CFAP46: variants seen among roughly 807,000 people sequenced by gnomAD.
CFAP46 encodes cilia and flagella associated protein 46.
In CFAP46, 245 loss-of-function variants were observed where a neutral mutation model predicts 325.7. The ratio of observed to expected loss-of-function variants is 0.75; its 90% CI spans 0.68 to 0.84. The LOEUF is 0.84. Among genes scored for constraint, CFAP46 ranks in the 40% least tolerant of loss-of-function variants. The pLI, the probability that CFAP46 is intolerant of heterozygous loss-of-function variation, is 0.00. For synonymous variants in CFAP46, 1,523 were observed against 1,495.9 expected, an observed-to-expected ratio of 1.02 and a Z score of -0.42; for missense variants, 3,346 against 3,543.0, an observed-to-expected ratio of 0.94 and a Z score of 1.41.
chr10:132,929,468 G>A, intron 9 of CFAP46: 1 of 750,570 alleles, frequency 1.3e-6, no homozygotes, highest in East Asian at 2.5e-5. Context: ...AACAACTGTG[G>A]TGCTGTGGAC....
At chr10:132,882,197 G>A (rs1345751965) in intron 27 of CFAP46, among the ~76,000 whole-genome samples, 1 of 148,638 alleles carries the variant, frequency 6.7e-6, no homozygotes, top group Non-Finnish European at 1.5e-5. Context: ...TGAGTGGGAT[G>A]TGGGGTATGA....
At position 132,847,331 on chromosome 10, in the gene CFAP46, A is replaced by G. The variant is rs1453271171; in HGVS notation, c.5953-10T>C. 4 of 1,613,220 alleles carry G rather than the reference A, an allele frequency of 2.5e-6. No individual in the cohort carries two copies. The highest frequency in any genetic ancestry group is 2.5e-6 in the Non-Finnish European group (3 of 1,179,752). ...TCAGCTTGGCGCCCACCTGTGACAC[A>G]CATTGCAGGTTGGCAGACACTTCTG... On this transcript the variant is annotated splice_polypyrimidine_tract_variant and intron_variant, in intron 41 of 57. Transcript: ENST00000368586. This position sits in a 1 kb window ranked among gnomAD's most constrained non-coding sequence, Gnocchi z 5.2.
intron 12 of CFAP46, 53 bp from the exon 13 acceptor site, chr10:132,922,277 C>G (rs943328768): frequency 2.2e-5 from 33 of 1,520,162 alleles, no homozygotes; most frequent in Non-Finnish European, 2.7e-5. Flanking sequence ...TCCACAGCAC[C>G]TTCTCCAACT....
chr10:132,898,721 C>T (rs1251634796), intron 24 of CFAP46: 1 of 621,852 alleles, frequency 1.6e-6, no homozygotes, highest in South Asian at 1.8e-5. Context: ...GGCTGAGAGC[C>T]CCTCGGTGCA....
At position 132,847,179 on chromosome 10, in the gene CFAP46, A is replaced by G. The variant is rs1848452292; in HGVS notation, c.6087+8T>C. On this transcript the variant is annotated splice_region_variant and intron_variant, in intron 42 of 57. Coordinates refer to ENST00000368586, the MANE Select transcript of CFAP46 (RefSeq NM_001200049.3). The surrounding 1 kb of genome is among the most constrained non-coding windows in gnomAD (Gnocchi z 5.2). ...AGGCCACACGAGGGGCAGGAGGGGC[A>G]GCCGCACCTTCAGGTCCTCGCCTCT... The G allele has an allele frequency of 6.2e-7, 1 of 1,610,260 alleles. No homozygotes were observed. The highest frequency in any genetic ancestry group is 1.1e-5 in the South Asian group (1 of 90,968).
Position 132,920,090 on chromosome 10 carries a change from G to T in CFAP46, c.1699C>A (p.Arg567=), listed in dbSNP as rs753795960. 1.3e-6 allele frequency: 2 copies of T among 1,547,986 alleles called. No individual in the cohort carries two copies. The highest frequency in any genetic ancestry group is 2.7e-5 in the African/African-American group (2 of 72,896). The change falls in exon 14 of 58, where the codon CGG becomes AGG. Residue 567 remains arginine, a synonymous_variant. Transcript: ENST00000368586. ...VSVDKAAGHL[R]RLGNENDKER... ...TTGTCGTTTTCGTTGCCCAGGCGCCGCAGGTGCCCGGCAGCTTTGTCCACG... is the reference window on the plus strand; with the variant it reads ...TTGTCGTTTTCGTTGCCCAGGCGCCTCAGGTGCCCGGCAGCTTTGTCCACG...
rs185781550 is a variant in CFAP46 at position 132,904,831 on chromosome 10, G to A, written c.2924+3637C>T. ...GGCTGGAGCGCAGTGGTACAATCACGGCTTGCTGCAGCCTCGACCTACAGG... is the reference window on the plus strand; with the variant it reads ...GGCTGGAGCGCAGTGGTACAATCACAGCTTGCTGCAGCCTCGACCTACAGG... On this transcript the variant is annotated intron_variant, in intron 22 of 57. Transcript: ENST00000368586. 1.2e-3 allele frequency among the ~76,000 whole-genome samples: 179 copies of A among 152,282 alleles called. 2 individuals carry two copies. Among genetic ancestry groups the A allele is most frequent in the South Asian group, 1.0e-3 (5 of 4,812 alleles).
intron 24 of CFAP46, chr10:132,898,624 T>A (rs761962675): frequency 2.6e-6 from 1 of 382,536 alleles, no homozygotes; most frequent in African/African-American, 2.1e-5. Context: ...TCATGGCAGG[T>A]GGGGCCTGTC....
intron 38 of CFAP46, among the ~76,000 whole-genome samples, chr10:132,858,121 C>T (rs899268297): frequency 3.9e-5 from 6 of 152,246 alleles, no homozygotes; most frequent in Non-Finnish European, 5.9e-5. Flanking sequence ...GTAACAGACA[C>T]GGCTCAGGTC....
intron 4 of CFAP46, among the ~76,000 whole-genome samples, chr10:132,940,659 C>T (rs1166917928): frequency 6.6e-6 from 1 of 152,094 alleles, no homozygotes; most frequent in Non-Finnish European, 1.5e-5. Flanking sequence ...CTCACTGCAA[C>T]CTCCGCCTCC....
chr10:132,912,592 T>TC (rs57546422), intron 19 of CFAP46, 63 bp downstream of exon 19: 49,742 of 1,294,784 alleles, frequency 0.038, 2,552 homozygotes, highest in Admixed American at 0.11. Flanking sequence ...CTCCTCTCTC[T>TC]CTCTCCTCTC....
chr10:132,823,499 G>A lies in CFAP46; in HGVS notation c.7118-8585C>T, dbSNP rs561192054. Among the ~76,000 whole-genome samples the A allele has an allele frequency of 2.3e-5, 3 of 128,556 alleles. No homozygotes were observed. In the South Asian group the frequency reaches 9.5e-4, roughly 41 times the overall value. 84.3% of individuals were successfully genotyped at this position (128,556 alleles called of 152,430 possible). A position where few individuals can be genotyped will look rare whatever the true frequency, so the allele number is the denominator to read the frequency against. On this transcript the variant is annotated intron_variant, in intron 50 of 57. Transcript: ENST00000368586. ...GCTGATGTGTGCTGTGTGCTGATGT[G>A]TGCTGTGTGCTGATGTGTGCTGTGT... is the stretch of plus-strand genomic sequence containing the variant.
chr10:132,898,053 C>T lies in CFAP46; in HGVS notation c.3219+906G>A, dbSNP rs547329156. ...GCAGCTCTGCTTCTCTTAGAAGGGC[C>T]CCGTTTTGTGGGTTCTCTGTGGCTG... On this transcript the variant is annotated intron_variant, in intron 24 of 57. Coordinates refer to ENST00000368586, the MANE Select transcript of CFAP46 (RefSeq NM_001200049.3). 3.3e-5 allele frequency among the ~76,000 whole-genome samples: 5 copies of T among 152,296 alleles called. No homozygotes were observed. In the South Asian group the frequency reaches 1.0e-3, roughly 32 times the overall value.
rs1173026998 is a variant in CFAP46 at position 132,822,127 on chromosome 10, G to C, written c.7118-7213C>G. Among the ~76,000 whole-genome samples, 207 of 131,922 alleles carry C rather than the reference G, an allele frequency of 1.6e-3. 5 individuals are homozygous for C. Among genetic ancestry groups the C allele is most frequent in the Admixed American group, 5.3e-4 (7 of 13,278 alleles). The allele number at this position is 131,922 out of a possible 152,430, so 86.5% of individuals were successfully genotyped here. ...GCTGATGTGTGCTGTGTGTGCACTT[G>C]TGTGTGCTGTGTGTGTGCTGATGTG... is the stretch of plus-strand genomic sequence containing the variant. On this transcript the variant is annotated intron_variant, in intron 50 of 57. Transcript: ENST00000368586.
intron 50 of CFAP46, 139 bp downstream of exon 50, chr10:132,833,219 G>T: frequency 1.2e-6 from 1 of 856,506 alleles, no homozygotes; most frequent in Non-Finnish European, 1.8e-6. Context: ...AAATATCTTT[G>T]AATGAATAAA....
At chr10:132,938,028 T>A (rs968151936) in intron 5 of CFAP46, among the ~76,000 whole-genome samples, 8 of 152,184 alleles carry the variant, frequency 5.3e-5, no homozygotes, top group Admixed American at 2.6e-4. Context: ...AATGGGGACA[T>A]CCACCCGTCC....
intron 25 of CFAP46, among the ~76,000 whole-genome samples, chr10:132,887,704 T>G (rs1849177611): frequency 8.8e-6 from 1 of 114,062 alleles, no homozygotes; most frequent in Admixed American, 8.3e-5. Context: ...TCCTCTCCTC[T>G]CTCTCTCCGC....
intron 50 of CFAP46, among the ~76,000 whole-genome samples, chr10:132,815,448 T>C (rs1481695613): frequency 6.6e-6 from 1 of 152,262 alleles, no homozygotes; most frequent in East Asian, 1.9e-4. Flanking sequence ...AAGAGGCTGC[T>C]TCTGAGGGAT....
chr10:132,836,823 C>A lies in CFAP46; in HGVS notation c.6530G>T (p.Gly2177Val), dbSNP rs776660047. ...TFWILFLHLS[G>V]DRSRLYGAAY... ...CAAGAAGGAGCGGCTTTACCTGTCC[C>A]CTGAGAGGTGCAGAAAGAGGATCCA... is the stretch of plus-strand genomic sequence containing the variant. The change falls in exon 45 of 58, where the codon GGG becomes GTG. Residue 2177 changes from glycine (G) to valine (V), a missense_variant. By Grantham distance (109) the Gly-to-Val change is moderately radical. Transcript: ENST00000368586. The A allele has an allele frequency of 6.2e-7, 1 of 1,613,434 alleles. No individual in the cohort carries two copies. Among genetic ancestry groups the A allele is most frequent in the South Asian group, 1.1e-5 (1 of 91,080 alleles).
Sources: gnomAD v4.1 joint callset for allele counts (sites outside exome capture counted in the v4.1 genomes callset) on GRCh38, gnomAD v4.1.1 for gene constraint, Gnocchi (gnomAD v3.1) non-coding constraint, MANE v1.5 for transcripts, NCBI Gene and HGNC (gene_info 2026-07-23, HGNC 2026-07-21) for gene names.